CLSTN2: variants seen among roughly 807,000 people sequenced by gnomAD.
CLSTN2 encodes the protein calsyntenin 2.
A neutral mutation model predicts 101.2 loss-of-function variants in CLSTN2; 48 were observed. The ratio of observed to expected loss-of-function variants is 0.47; its 90% CI spans 0.38 to 0.60. CLSTN2 has a LOEUF of 0.60. Among genes scored for constraint, CLSTN2 ranks in the 20% least tolerant of loss-of-function variants. CLSTN2 has a pLI of 0.00. For synonymous variants in CLSTN2, 481 were observed against 463.6 expected (o/e 1.04, Z -0.48); for missense variants, 1,160 against 1,238.2 (o/e 0.94, Z 0.95).
intron 2 of CLSTN2, among the ~76,000 whole-genome samples, chr3:140,182,128 G>C (rs1023868478): frequency 6.6e-6 from 1 of 152,144 alleles, no homozygotes; most frequent in Non-Finnish European, 1.5e-5. Flanking sequence ...TTGACAAAGA[G>C]GAAGCAAGTT....
At chr3:140,415,656 C>G (rs1421824047) in intron 4 of CLSTN2, among the ~76,000 whole-genome samples, 1 of 152,094 alleles carries the variant, frequency 6.6e-6, no homozygotes, top group Admixed American at 6.5e-5. Flanking sequence ...TGAGCTATCA[C>G]CTCACAATTA....
chr3:140,366,097 T>C lies in CLSTN2; in HGVS notation c.233-37532T>C, dbSNP rs149523976. ...AGCCACAGTGCCCTTGCCATGACAG[T>C]CAGCCGTGTTCATCTGCTGCGTGTC... On this transcript the variant is annotated intron_variant, in intron 2 of 16. Transcript: ENST00000458420. 4.2e-3 allele frequency among the ~76,000 whole-genome samples: 641 copies of C among 152,294 alleles called. 2 individuals carry two copies. The highest frequency in any genetic ancestry group is 0.014 in the African/African-American group (588 of 41,568).
intron 2 of CLSTN2, among the ~76,000 whole-genome samples, chr3:140,283,163 C>T (rs1004063656): frequency 6.6e-6 from 1 of 152,094 alleles, no homozygotes; most frequent in Non-Finnish European, 1.5e-5. Context: ...ATACAAGGTT[C>T]TAGAGACTAA....
chr3:140,119,560 G>T (rs1344604720), intron 1 of CLSTN2, among the ~76,000 whole-genome samples: 1 of 152,180 alleles, frequency 6.6e-6, no homozygotes, highest in African/African-American at 2.4e-5. Context: ...TGTTGCCCAG[G>T]CTAGAGTACA....
chr3:140,118,283 T>C (rs1244999368), intron 1 of CLSTN2, among the ~76,000 whole-genome samples: 1 of 152,142 alleles, frequency 6.6e-6, no homozygotes, highest in Non-Finnish European at 1.5e-5. Flanking sequence ...CAGTCTGTGG[T>C]ACTTGGTTGT....
chr3:140,391,222 C>G (rs1017812051), intron 2 of CLSTN2, among the ~76,000 whole-genome samples: 2 of 152,292 alleles, frequency 1.3e-5, no homozygotes, highest in South Asian at 2.1e-4. Context: ...TTAGCCTCCA[C>G]GCTGTACCAC....
intron 2 of CLSTN2, among the ~76,000 whole-genome samples, chr3:140,314,593 A>G (rs887701367): frequency 3.9e-5 from 6 of 152,072 alleles, no homozygotes; most frequent in Admixed American, 3.3e-4. Context: ...TTTTCTTTAA[A>G]TAAGCCACTT....
At chr3:140,335,639 C>A (rs1269492408) in intron 2 of CLSTN2, among the ~76,000 whole-genome samples, 4 of 152,188 alleles carry the variant, frequency 2.6e-5, no homozygotes, top group South Asian at 2.1e-4. Context: ...AGATTTCAAG[C>A]CTTGGAGACT....
chr3:140,190,222 G>A (rs1169639404), intron 2 of CLSTN2, among the ~76,000 whole-genome samples: 2 of 152,032 alleles, frequency 1.3e-5, no homozygotes, highest in Admixed American at 1.3e-4. Context: ...GAACATAGCA[G>A]GCATGTTGTA....
chr3:140,171,040 A>G (rs1018415094), intron 1 of CLSTN2, among the ~76,000 whole-genome samples: 1 of 152,210 alleles, frequency 6.6e-6, no homozygotes, highest in Non-Finnish European at 1.5e-5. Context: ...CTTTGTACAC[A>G]GTTCTAATGG....
rs150249228 is a variant in CLSTN2, at chr3:140,280,649, A to G, written c.232+104576A>G. Among the ~76,000 whole-genome samples, 84 of 152,298 alleles carry G rather than the reference A, an allele frequency of 5.5e-4. No individual in the cohort carries two copies. In the East Asian group the frequency reaches 0.014, roughly 26 times the overall value. ...TTCTGCTTAGTTGCTTGGCTGTAGA[A>G]CTAGAGCTTCTTACAGTGTGCCATG... On this transcript the variant is annotated intron_variant, in intron 2 of 16. Coordinates refer to ENST00000458420, the MANE Select transcript of CLSTN2 (RefSeq NM_022131.3).
At chr3:140,534,694 T>C (rs542621182) in intron 9 of CLSTN2, among the ~76,000 whole-genome samples, 1 of 152,336 alleles carries the variant, frequency 6.6e-6, no homozygotes, top group South Asian at 2.1e-4. Flanking sequence ...CTACAAGTGA[T>C]GCCAATAATT....
intron 12 of CLSTN2, among the ~76,000 whole-genome samples, chr3:140,559,852 C>A (rs1043034584): frequency 1.3e-5 from 2 of 152,172 alleles, no homozygotes; most frequent in Middle Eastern, 3.2e-3. Flanking sequence ...CAAGAGACAG[C>A]CCTTCTTAGC....
rs115542950 is a variant in CLSTN2 at position 140,259,748 on chromosome 3, T to C, written c.232+83675T>C. Among the ~76,000 whole-genome samples, 618 of 152,306 alleles carry C rather than the reference T, an allele frequency of 4.1e-3. 5 individuals carry two copies. The highest frequency in any genetic ancestry group is 0.015 in the African/African-American group (606 of 41,564). On this transcript the variant is annotated intron_variant, in intron 2 of 16. Coordinates refer to ENST00000458420, the MANE Select transcript of CLSTN2 (RefSeq NM_022131.3). The stretch of plus-strand genomic sequence containing the variant: ...AAATGTAATTATACACTATATATTC[T>C]GGCATCTTTCACTCAGCATCATAAT...
chr3:140,549,935 C>T (rs1935673533), intron 10 of CLSTN2, among the ~76,000 whole-genome samples: 2 of 150,588 alleles, frequency 1.3e-5, no homozygotes, highest in African/African-American at 4.9e-5. Flanking sequence ...TGTCTGGAGT[C>T]CTAAAATGGT....
At chr3:140,501,908 G>A (rs1934584222) in intron 8 of CLSTN2, among the ~76,000 whole-genome samples, 2 of 152,318 alleles carry the variant, frequency 1.3e-5, no homozygotes, top group South Asian at 4.1e-4. Flanking sequence ...GGATGCCTGT[G>A]CTGCTGGTTC....
At chr3:140,188,518 C>T (rs1203936561) in intron 2 of CLSTN2, among the ~76,000 whole-genome samples, 2 of 152,108 alleles carry the variant, frequency 1.3e-5, no homozygotes, top group Non-Finnish European at 2.9e-5. Flanking sequence ...GGAGCAATGC[C>T]ATCCCAGCTG....
At chr3:140,288,336 G>T (rs556160824) in intron 2 of CLSTN2, among the ~76,000 whole-genome samples, 2 of 152,244 alleles carry the variant, frequency 1.3e-5, no homozygotes, top group East Asian at 3.9e-4. Flanking sequence ...TCCGCTCTGG[G>T]TTATATGCCA....
At chr3:140,442,000 C>G (rs1014239121) in intron 5 of CLSTN2, among the ~76,000 whole-genome samples, 1 of 152,204 alleles carries the variant, frequency 6.6e-6, no homozygotes, top group Non-Finnish European at 1.5e-5. Context: ...TGGAGCTGTA[C>G]TGACACGGGG....
Sources: allele counts gnomAD v4.1 joint callset (sites outside exome capture counted in the v4.1 genomes callset), GRCh38; gene constraint gnomAD v4.1.1; transcripts MANE v1.5; gene names NCBI Gene and HGNC (gene_info 2026-07-23, HGNC 2026-07-21).